Variants in MPDZ observed in about 807,000 individuals in gnomAD.
The protein encoded by MPDZ is multiple PDZ domain crumbs cell polarity complex component.
In MPDZ, 234 loss-of-function variants were observed where a neutral mutation model predicts 239.1. That is an observed-to-expected ratio of 0.98 (90% confidence interval 0.88 to 1.09). The LOEUF is 1.09. MPDZ is among the 50% of genes least tolerant of loss of function. MPDZ has a pLI of 0.00. For synonymous variants in MPDZ, 1,048 were observed against 881.3 expected (o/e 1.19, Z -3.35); for missense variants, 3,175 against 2,510.0 (o/e 1.26, Z -5.66).
intron 1 of MPDZ, among the ~76,000 whole-genome samples, chr9:13,251,098 C>T (rs1398559992): frequency 7.9e-6 from 1 of 126,562 alleles, no homozygotes; most frequent in Non-Finnish European, 1.6e-5. Flanking sequence ...CACCGCACTC[C>T]AGCCTGGGCC....
At chr9:13,231,080 G>A (rs1962293515) in intron 3 of MPDZ, among the ~76,000 whole-genome samples, 1 of 151,964 alleles carries the variant, frequency 6.6e-6, no homozygotes, top group Admixed American at 6.6e-5. Context: ...TGATCTTTGA[G>A]ACAAAGATGA....
At chr9:13,248,105 G>A (rs1966860293) in intron 2 of MPDZ, among the ~76,000 whole-genome samples, 1 of 151,614 alleles carries the variant, frequency 6.6e-6, no homozygotes, top group African/African-American at 2.4e-5. Context: ...GTGCGCTCCT[G>A]TAACCCCAGC....
At position 13,137,965 on chromosome 9, in the gene MPDZ, G is replaced by A. The variant is rs534991500; in HGVS notation, c.4192C>T (p.Leu1398Phe). The A allele has an allele frequency of 6.2e-7, 1 of 1,613,626 alleles. No individual in the cohort carries two copies. Among genetic ancestry groups the A allele is most frequent in the Admixed American group, 1.7e-5 (1 of 60,002 alleles). The change falls in exon 29 of 47, where the codon CTT (leucine) becomes TTT (phenylalanine). Residue 1398 changes from leucine to phenylalanine, a missense_variant. By Grantham distance (22) the Leu-to-Phe change is conservative. Transcript: ENST00000319217. ...TTTCCACAAAAACTTACCTCTAGAAGCTCATCTGCAATTTGCAATCGACCA... is the reference window on the plus strand; with the variant it reads ...TTTCCACAAAAACTTACCTCTAGAAACTCATCTGCAATTTGCAATCGACCA... ...KDGRLQIADELLEINGQILYG... is the reference protein window; with the variant it reads ...KDGRLQIADEFLEINGQILYG...
In MPDZ at chr9:13,139,762, A is replaced by C. The variant is rs559540362; in HGVS notation, c.4003+225T>G. 7.5e-6 allele frequency: 4 copies of C among 534,432 alleles called. No individual in the cohort carries two copies. In the African/African-American group the frequency reaches 7.6e-5, roughly 10 times the overall value. The allele number at this position is 534,432 out of a possible 1,614,324, so 33.1% of individuals were successfully genotyped here. On this transcript the variant is annotated intron_variant, in intron 28 of 46. Transcript: ENST00000319217. The stretch of plus-strand genomic sequence containing the variant: ...CCTTATTAATTCTCATACAAAAGGC[A>C]GAGTGAGCTTTAACAGCACTTTTAA...
chr9:13,125,206 G>A lies in MPDZ; in HGVS notation c.4807+10C>T. 2 of 1,580,390 alleles carry A rather than the reference G, an allele frequency of 1.3e-6. No homozygotes were observed. Among genetic ancestry groups the A allele is most frequent in the Non-Finnish European group, 1.7e-6 (2 of 1,161,038 alleles). On this transcript the variant is annotated intron_variant, in intron 35 of 46. Transcript: ENST00000319217. ...TATGTGCAGGACTCTCATGAGTCCA[G>A]AGGCCTTACTTCGGATGGACTCCGG...
Position 13,115,259 on chromosome 9 carries a change from G to C in MPDZ, c.5455C>G (p.Gln1819Glu), listed in dbSNP as rs1168367679. 21 of 1,612,346 alleles carry C rather than the reference G, an allele frequency of 1.3e-5. No individual in the cohort carries two copies. Among genetic ancestry groups the C allele is most frequent in the African/African-American group, 2.7e-5 (2 of 74,880 alleles). Residue 1819 changes from glutamine to glutamate, a missense_variant, in exon 40 of 47, where the codon CAA becomes GAA. Physicochemically the swap from Gln to Glu is conservative, Grantham distance 29 (BLOSUM62 2). Transcript: ENST00000319217. Reference protein sequence around the residue: ...GPFHSERRPSQSSQVSEGSLS... With the variant: ...GPFHSERRPSESSQVSEGSLS... ...CCACAGCTACCCACCTGGCTGCTTTGAGATGGCCTCCTCTCTGAATGGAAT... is the reference window on the plus strand; with the variant it reads ...CCACAGCTACCCACCTGGCTGCTTTCAGATGGCCTCCTCTCTGAATGGAAT...
chr9:13,276,787 CTA>C (rs1974298960), intron 1 of MPDZ: 3 of 152,194 alleles, frequency 2.0e-5, no homozygotes, highest in Non-Finnish European at 4.4e-5. Flanking sequence ...AGAGACAAGA[CTA>C]TGTCAGATCT....
chr9:13,198,767 G>T (rs1587723932), intron 12 of MPDZ, among the ~76,000 whole-genome samples: 3 of 150,374 alleles, frequency 2.0e-5, no homozygotes, highest in African/African-American at 7.3e-5. Flanking sequence ...GTGTGTGTGT[G>T]TGTGTGTGTG....
At chr9:13,166,656 A>G (rs766487412) in intron 22 of MPDZ, among the ~76,000 whole-genome samples, 11 of 152,010 alleles carry the variant, frequency 7.2e-5, no homozygotes, top group Non-Finnish European at 1.2e-4. Flanking sequence ...TCTATAGTAC[A>G]TTTTGCCTCC....
chr9:13,264,007 T>C (rs1971265377), intron 1 of MPDZ, among the ~76,000 whole-genome samples: 1 of 152,148 alleles, frequency 6.6e-6, no homozygotes. Flanking sequence ...TCCACATACT[T>C]TAAGAAAGTT....
At chr9:13,189,988 T>C (rs773358855) in intron 16 of MPDZ, 126 bp downstream of exon 16, 30 of 769,420 alleles carry the variant, frequency 3.9e-5, no homozygotes, top group Non-Finnish European at 6.0e-5. Flanking sequence ...ATCCTATAAA[T>C]CACTATTTTG....
chr9:13,169,155 A>G (rs949230757), intron 21 of MPDZ, among the ~76,000 whole-genome samples: 5 of 152,284 alleles, frequency 3.3e-5, no homozygotes, highest in East Asian at 1.9e-4. Context: ...GTGGGAAAGT[A>G]TAACAGTTTG....
intron 32 of MPDZ, among the ~76,000 whole-genome samples, chr9:13,132,269 C>A (rs1946108628): frequency 6.6e-6 from 1 of 152,126 alleles, no homozygotes; most frequent in African/African-American, 2.4e-5. Flanking sequence ...CCAACAATAA[C>A]CCTTAATATA....
At chr9:13,222,484 G>C (rs760504212) in intron 5 of MPDZ, 38 bp from the exon 6 acceptor site, 5 of 1,508,308 alleles carry the variant, frequency 3.3e-6, no homozygotes, top group East Asian at 4.5e-5. Flanking sequence ...GACAATCTGA[G>C]AGTTCTCAAG....
intron 1 of MPDZ, among the ~76,000 whole-genome samples, chr9:13,250,725 T>G (rs1230641283): frequency 1.3e-5 from 2 of 150,426 alleles, no homozygotes; most frequent in African/African-American, 2.5e-5. Flanking sequence ...GGAGCTTACT[T>G]AACTCCACAT....
intron 1 of MPDZ, among the ~76,000 whole-genome samples, chr9:13,262,591 T>C (rs1445025606): frequency 2.6e-5 from 4 of 151,544 alleles, no homozygotes; most frequent in Non-Finnish European, 5.9e-5. Flanking sequence ...AAATAGAGTC[T>C]ATATAATATA....
chr9:13,165,229 GA>G, intron 22 of MPDZ: 1 of 840,622 alleles, frequency 1.2e-6, no homozygotes, highest in South Asian at 2.2e-5. Context: ...CTTAAACAAA[GA>G]AAACAATCTA....
At chr9:13,277,321 A>T (rs1455515385) in intron 1 of MPDZ, among the ~76,000 whole-genome samples, 1 of 152,218 alleles carries the variant, frequency 6.6e-6, no homozygotes. Context: ...AAAGGAAAAA[A>T]AAAGGAACAT....
chr9:13,127,654 T>C (rs879332993), intron 32 of MPDZ, among the ~76,000 whole-genome samples: 1 of 152,176 alleles, frequency 6.6e-6, no homozygotes, highest in African/African-American at 2.4e-5. Context: ...GACATCAAGG[T>C]AGGTTTCAAC....
Sources: allele counts gnomAD v4.1 joint callset (sites outside exome capture counted in the v4.1 genomes callset), GRCh38; gene constraint gnomAD v4.1.1; transcripts MANE v1.5; gene names NCBI Gene and HGNC (gene_info 2026-07-23, HGNC 2026-07-21).